Variants in GNL1 observed in about 807,000 individuals in gnomAD.
GNL1 encodes guanine nucleotide-binding protein-like 1.
GNL1 carries 21 observed loss-of-function variants against 75.2 expected under a neutral mutation model. The ratio of observed to expected loss-of-function variants is 0.28; its 90% CI spans 0.20 to 0.40. The LOEUF is 0.40. GNL1 is among the 10% of genes least tolerant of loss of function. GNL1 has a pLI of 1.00. For synonymous variants in GNL1, 287 were observed against 303.4 expected (o/e 0.95, Z 0.56); for missense variants, 579 against 775.0 (o/e 0.75, Z 3.00).
Position 30,546,894 on chromosome 6 carries a change from C to G in GNL1, c.1442-58G>C, listed in dbSNP as rs1010689127. The G allele has an allele frequency of 2.8e-5, 39 of 1,400,628 alleles. No homozygotes were observed. Among genetic ancestry groups the G allele is most frequent in the Admixed American group, 1.9e-5 (1 of 53,238 alleles). The allele number at this position is 1,400,628 out of a possible 1,614,324, so 86.8% of individuals were successfully genotyped here. On this transcript the variant is annotated intron_variant, in intron 10 of 11. Transcript: ENST00000376621. This position sits in a 1 kb window ranked among gnomAD's most constrained non-coding sequence, Gnocchi z 5.1. ...GCATTAACCAGGTACCAGTTATACTCCCACTCCCATAACACAGTCCTTCCA... is the reference window on the plus strand; with the variant it reads ...GCATTAACCAGGTACCAGTTATACTGCCACTCCCATAACACAGTCCTTCCA...
Position 30,555,611 on chromosome 6 carries a change from G to A in GNL1, c.183C>T (p.Arg61=). ...SDGESVTHHI[R]RLNQQPSQGL... ...CCTGAGAAGGCTGCTGGTTAAGCCTGCGGATATGATGGGTCACAGACTCCC... is the reference window on the plus strand; with the variant it reads ...CCTGAGAAGGCTGCTGGTTAAGCCTACGGATATGATGGGTCACAGACTCCC... The change falls in exon 2 of 12, where the codon CGC becomes CGT. Residue 61 remains arginine (R), a synonymous_variant. Transcript: ENST00000376621. This position sits in a 1 kb window ranked among gnomAD's most constrained non-coding sequence, Gnocchi z 4.3. 6.2e-7 allele frequency: 1 copy of A among 1,614,078 alleles called. No individual in the cohort carries two copies. The highest frequency in any genetic ancestry group is 1.1e-5 in the South Asian group (1 of 91,082).
intron 8 of GNL1, among the ~76,000 whole-genome samples, chr6:30,551,260 C>G (rs1799760391): frequency 6.6e-6 from 1 of 152,186 alleles, no homozygotes; most frequent in Non-Finnish European, 1.5e-5. Context: ...AGAGAGGGAA[C>G]AGAGGCTCCT....
chr6:30,546,884 C>T lies in GNL1; in HGVS notation c.1442-48G>A. ...GAAAGGGAAAGCATTAACCAGGTAC[C>T]AGTTATACTCCCACTCCCATAACAC... On this transcript the variant is annotated intron_variant, in intron 10 of 11. Transcript: ENST00000376621. The surrounding 1 kb of genome is among the most constrained non-coding windows in gnomAD (Gnocchi z 5.1). The T allele has an allele frequency of 6.8e-7, 1 of 1,463,300 alleles. No individual in the cohort carries two copies. The highest frequency in any genetic ancestry group is 9.4e-7 in the Non-Finnish European group (1 of 1,063,130). 90.6% of individuals were successfully genotyped at this position (1,463,300 alleles called of 1,614,324 possible).
rs1488128751 is a variant in GNL1 at position 30,547,858 on chromosome 6, G to C, written c.1100-328C>G. ...GCAGTACAGTAAGTACCCAGTACCA[G>C]TGATCCACATCTCATAATTACTATG... is the stretch of plus-strand genomic sequence containing the variant. On this transcript the variant is annotated intron_variant, in intron 8 of 11. Coordinates refer to ENST00000376621, the MANE Select transcript of GNL1 (RefSeq NM_005275.5). This position sits in a 1 kb window ranked among gnomAD's most constrained non-coding sequence, Gnocchi z 5.5. 3 of 367,960 alleles carry C rather than the reference G, an allele frequency of 8.2e-6. No individual in the cohort carries two copies. The highest frequency in any genetic ancestry group is 1.5e-5 in the Non-Finnish European group (3 of 205,084). 22.8% of individuals were successfully genotyped at this position (367,960 alleles called of 1,614,324 possible). A position where few individuals can be genotyped will look rare whatever the true frequency, so the allele number is the denominator to read the frequency against.
At position 30,545,999 on chromosome 6, in the gene GNL1, G is replaced by T; in HGVS notation, c.*73C>A. 9.8e-7 allele frequency: 1 copy of T among 1,022,184 alleles called. No homozygotes were observed. Among genetic ancestry groups the T allele is most frequent in the Non-Finnish European group, 1.5e-6 (1 of 675,782 alleles). The allele number at this position is 1,022,184 out of a possible 1,614,324, so 63.3% of individuals were successfully genotyped here. A position where few individuals can be genotyped will look rare whatever the true frequency, so the allele number is the denominator to read the frequency against. ...ACAATCTTTATTCACAATTGGGGTG[G>T]CAGAGGGGAGATACCCCCAGGTCAG... On this transcript the variant is annotated 3_prime_UTR_variant, in exon 12 of 12. Coordinates refer to ENST00000376621, the MANE Select transcript of GNL1 (RefSeq NM_005275.5).
chr6:30,546,642 AC>A lies in GNL1; in HGVS notation c.1582+53del. 1 of 1,453,126 alleles carries A rather than the reference AC, an allele frequency of 6.9e-7. No individual in the cohort carries two copies. The highest frequency in any genetic ancestry group is 1.2e-5 in the South Asian group (1 of 80,256). 90.0% of individuals were successfully genotyped at this position (1,453,126 alleles called of 1,614,324 possible). ...CCCTCTCTCTGGCCACAAAGCCCACACCCTTTTACCTACGCTATAGCAGGGG... is the reference window on the plus strand; with the variant it reads ...CCCTCTCTCTGGCCACAAAGCCCACACCTTTTACCTACGCTATAGCAGGGG... On this transcript the variant is annotated intron_variant, in intron 11 of 11. Transcript: ENST00000376621. This position sits in a 1 kb window ranked among gnomAD's most constrained non-coding sequence, Gnocchi z 5.1.
Position 30,555,769 on chromosome 6 carries a change from A to T in GNL1, c.74-49T>A, listed in dbSNP as rs751066586. On this transcript the variant is annotated intron_variant, in intron 1 of 11. Coordinates refer to ENST00000376621, the MANE Select transcript of GNL1 (RefSeq NM_005275.5). This position sits in a 1 kb window ranked among gnomAD's most constrained non-coding sequence, Gnocchi z 4.3. ...CAGTGCTGGCCAGCTCTCAGGGGCC[A>T]TAAGACCCTCTCCCCCATCGGCCTG... 3 of 1,581,002 alleles carry T rather than the reference A, an allele frequency of 1.9e-6. No homozygotes were observed. Among genetic ancestry groups the T allele is most frequent in the South Asian group, 2.2e-5 (2 of 89,390 alleles).
chr6:30,547,639 G>A lies in GNL1; in HGVS notation c.1100-109C>T. 2 of 938,298 alleles carry A rather than the reference G, an allele frequency of 2.1e-6. No homozygotes were observed. Among genetic ancestry groups the A allele is most frequent in the Non-Finnish European group, 1.7e-6 (1 of 603,206 alleles). The allele number at this position is 938,298 out of a possible 1,614,324, so 58.1% of individuals were successfully genotyped here. A position where few individuals can be genotyped will look rare whatever the true frequency, so the allele number is the denominator to read the frequency against. On this transcript the variant is annotated intron_variant, in intron 8 of 11. Coordinates refer to ENST00000376621, the MANE Select transcript of GNL1 (RefSeq NM_005275.5). The surrounding 1 kb of genome is among the most constrained non-coding windows in gnomAD (Gnocchi z 5.5). The stretch of plus-strand genomic sequence containing the variant: ...ACTAAGGCTCAGAAATTAAGGAAAT[G>A]GTATTGCAGAATACAAATCACGCTC...
rs1412394283 is a variant in GNL1, at chr6:30,554,817, T to C, written c.475A>G (p.Ile159Val). 2 of 1,612,876 alleles carry C rather than the reference T, an allele frequency of 1.2e-6. No individual in the cohort carries two copies. The highest frequency in any genetic ancestry group is 3.3e-5 in the Admixed American group (2 of 60,024). The change falls in exon 4 of 12, where the codon ATT becomes GTT. Residue 159 changes from isoleucine (I) to valine (V), a missense_variant. Transcript: ENST00000376621. ...TTCTCAGAGGAGTAAGCCCCATGAATCTTCCCAAGATAGTCTTGGAAGCTC... is the reference window on the plus strand; with the variant it reads ...TTCTCAGAGGAGTAAGCCCCATGAACCTTCCCAAGATAGTCTTGGAAGCTC... ...ERSFQDYLGK[I>V]HGAYSSEKLS...
chr6:30,553,031 C>T, intron 7 of GNL1, 53 bp downstream of exon 7: 1 of 1,211,696 alleles, frequency 8.3e-7, no homozygotes, highest in East Asian at 2.3e-5. Flanking sequence ...AATGATTCTG[C>T]ATCTTTGGTC....
rs139361425 is a variant in GNL1 at position 30,553,374 on chromosome 6, G to T, written c.784C>A (p.Arg262Ser). The part of the protein sequence containing the change: ...VLFTSFPRDP[R>S]TPQDPSSVLK... ...CCACTACTAGGGTCCTGTGGGGTGC[G>T]GGGGTCCCGAGGAAAAGAGGTGAAA... is the stretch of plus-strand genomic sequence containing the variant. Residue 262 changes from arginine (R) to serine (S), a missense_variant, in exon 6 of 12, where the codon CGC (arginine) becomes AGC (serine). Arg to Ser is a moderately radical substitution (Grantham distance 110). Coordinates refer to ENST00000376621, the MANE Select transcript of GNL1 (RefSeq NM_005275.5). The T allele has an allele frequency of 1.9e-6, 3 of 1,611,508 alleles. 1 individual carries two copies. Among genetic ancestry groups the T allele is most frequent in the Non-Finnish European group, 2.5e-6 (3 of 1,179,452 alleles).
chr6:30,547,230 G>C lies in GNL1; in HGVS notation c.1323C>G (p.Tyr441Ter). ...GGGAGGCCAGGTAGCCCACAGCAGT[G>C]TAGGGCTCCTGGATCTGGGCGATAG... is the stretch of plus-strand genomic sequence containing the variant. ...IYPIAQIQEP[Y>*]TAVGYLASRI... The change falls in exon 10 of 12, where the codon TAC becomes TAG. Residue 441 changes from tyrosine (Y) to a stop codon, truncating the protein, a stop_gained. Transcript: ENST00000376621. LOFTEE classifies it high-confidence loss of function. This position sits in a 1 kb window ranked among gnomAD's most constrained non-coding sequence, Gnocchi z 5.5. The C allele has an allele frequency of 6.2e-7, 1 of 1,611,608 alleles. No homozygotes were observed. The highest frequency in any genetic ancestry group is 8.5e-7 in the Non-Finnish European group (1 of 1,178,708).
chr6:30,556,198 C>T lies in GNL1; in HGVS notation c.6G>A (p.Pro2=). Reference sequence around the variant, plus strand: ...GCTTCACGCTGAATGGCTTCTTCCTCGGCATGGCCCGGACCAGTCACCTGG... The same window carrying T: ...GCTTCACGCTGAATGGCTTCTTCCTTGGCATGGCCCGGACCAGTCACCTGG... M[P]RKKPFSVKQK... The change falls in exon 1 of 12, where the codon CCG becomes CCA. Residue 2 remains proline, a synonymous_variant. Coordinates refer to ENST00000376621, the MANE Select transcript of GNL1 (RefSeq NM_005275.5). The surrounding 1 kb of genome is among the most constrained non-coding windows in gnomAD (Gnocchi z 5.7). 1 of 1,604,148 alleles carries T rather than the reference C, an allele frequency of 6.2e-7. No homozygotes were observed. The highest frequency in any genetic ancestry group is 8.5e-7 in the Non-Finnish European group (1 of 1,179,716).
Position 30,556,417 on chromosome 6 carries a change from G to C in GNL1, c.-214C>G. ...TCACTTCCCTCCAGGAGCGAGGCGA[G>C]AGGATGATGCGGGGTGGGCTACTGG... is the stretch of plus-strand genomic sequence containing the variant. On this transcript the variant is annotated 5_prime_UTR_variant, in exon 1 of 12. Transcript: ENST00000376621. The surrounding 1 kb of genome is among the most constrained non-coding windows in gnomAD (Gnocchi z 5.7). The C allele has an allele frequency of 1.0e-5, 6 of 602,408 alleles. No homozygotes were observed. The highest frequency in any genetic ancestry group is 1.8e-5 in the Non-Finnish European group (6 of 341,932). The allele number at this position is 602,408 out of a possible 1,614,324, so 37.3% of individuals were successfully genotyped here.
intron 5 of GNL1, among the ~76,000 whole-genome samples, chr6:30,554,007 ATAT>A (rs1436355156): frequency 6.6e-6 from 1 of 152,256 alleles, no homozygotes; most frequent in Non-Finnish European, 1.5e-5. Context: ...ATGCCTGTGT[ATAT>A]TGATGTGCAC....
Position 30,555,510 on chromosome 6 carries a change from C to T in GNL1, c.239+45G>A, listed in dbSNP as rs1800096293. On this transcript the variant is annotated intron_variant, in intron 2 of 11. Coordinates refer to ENST00000376621, the MANE Select transcript of GNL1 (RefSeq NM_005275.5). The surrounding 1 kb of genome is among the most constrained non-coding windows in gnomAD (Gnocchi z 4.3). The stretch of plus-strand genomic sequence containing the variant: ...CGCTTTCCCCCAAAGCTCTGACTTC[C>T]GGGTAGGCGGGAAAGCCGGGACCAG... 6.4e-6 allele frequency: 10 copies of T among 1,569,632 alleles called. No homozygotes were observed. Among genetic ancestry groups the T allele is most frequent in the East Asian group, 4.5e-5 (2 of 44,466 alleles).
At chr6:30,550,085 C>T (rs1395741304) in intron 8 of GNL1, among the ~76,000 whole-genome samples, 3 of 152,124 alleles carry the variant, frequency 2.0e-5, no homozygotes, top group Non-Finnish European at 4.4e-5. Flanking sequence ...CTCAGCCTCC[C>T]AAAGGGCTGG....
At position 30,547,574 on chromosome 6, in the gene GNL1, T is replaced by C. The variant is rs1267327688; in HGVS notation, c.1100-44A>G. 5 of 1,535,834 alleles carry C rather than the reference T, an allele frequency of 3.3e-6. No individual in the cohort carries two copies. Among genetic ancestry groups the C allele is most frequent in the South Asian group, 1.1e-5 (1 of 89,156 alleles). ...ATTAACGTTTAACAGGTTTCTACTC[T>C]GTGATGGGACTTGGTGCTATACCTA... is the stretch of plus-strand genomic sequence containing the variant. On this transcript the variant is annotated intron_variant, in intron 8 of 11. Transcript: ENST00000376621. This position sits in a 1 kb window ranked among gnomAD's most constrained non-coding sequence, Gnocchi z 5.5.
chr6:30,553,196 C>T lies in GNL1; in HGVS notation c.809-17G>A. The T allele has an allele frequency of 6.3e-7, 1 of 1,586,158 alleles. No homozygotes were observed. The highest frequency in any genetic ancestry group is 8.7e-7 in the Non-Finnish European group (1 of 1,154,696). On this transcript the variant is annotated splice_polypyrimidine_tract_variant and intron_variant, in intron 6 of 11. Coordinates refer to ENST00000376621, the MANE Select transcript of GNL1 (RefSeq NM_005275.5). ...TCTTCAAGACTGAGATCAGAGGGCA[C>T]AAAAGGATGGGCACACGGGCTTAGG...
Sources: gnomAD v4.1 joint callset for allele counts (sites outside exome capture counted in the v4.1 genomes callset) on GRCh38, gnomAD v4.1.1 for gene constraint, Gnocchi (gnomAD v3.1) non-coding constraint, MANE v1.5 for transcripts, NCBI Gene and HGNC (gene_info 2026-07-23, HGNC 2026-07-21) for gene names.